THSD4: variants seen among roughly 807,000 people sequenced by gnomAD.
The protein encoded by THSD4 is thrombospondin type 1 domain containing 4, also known as thrombospondin type-1 domain-containing protein 4.
A neutral mutation model predicts 119.0 loss-of-function variants in THSD4; 69 were observed. The observed-to-expected ratio is 0.58, with a 90% confidence interval of 0.48 to 0.71. The LOEUF (loss-of-function observed/expected upper bound fraction) is 0.71, where lower values mean the gene tolerates loss of function less well. THSD4 is among the 30% of genes least tolerant of loss of function. The pLI, the probability that THSD4 is intolerant of heterozygous loss-of-function variation, is 0.00. For synonymous variants in THSD4, 524 were observed against 540.4 expected, an observed-to-expected ratio of 0.97 and a Z score of 0.42; for missense variants, 1,393 against 1,391.1, an observed-to-expected ratio of 1.00 and a Z score of -0.02.
intron 3 of THSD4, among the ~76,000 whole-genome samples, chr15:71,170,893 G>A (rs562993560): frequency 6.6e-6 from 1 of 152,170 alleles, no homozygotes; most frequent in South Asian, 2.1e-4. Context: ...CAAGATCTGA[G>A]ATGAAAAATA....
chr15:71,327,771 T>A (rs1410157479), intron 6 of THSD4, among the ~76,000 whole-genome samples: 1 of 152,170 alleles, frequency 6.6e-6, no homozygotes, highest in Non-Finnish European at 1.5e-5. Context: ...TTCACCCTAC[T>A]CCCCATATCA....
intron 8 of THSD4, among the ~76,000 whole-genome samples, chr15:71,691,604 A>T (rs2052050770): frequency 6.6e-6 from 1 of 152,246 alleles, no homozygotes; most frequent in African/African-American, 2.4e-5. Flanking sequence ...TCATTACAGG[A>T]TTAAACTACA....
chr15:71,583,072 G>A (rs930762131), intron 7 of THSD4, among the ~76,000 whole-genome samples: 3 of 152,108 alleles, frequency 2.0e-5, no homozygotes, highest in African/African-American at 7.2e-5. Context: ...TCTCATTGTT[G>A]AGAGGAATTA....
At chr15:71,749,403 G>T (rs2053402170) in intron 14 of THSD4, among the ~76,000 whole-genome samples, 1 of 152,240 alleles carries the variant, frequency 6.6e-6, no homozygotes, top group African/African-American at 2.4e-5. Context: ...CAGTCAGAGG[G>T]TTTGCCCAGG....
At chr15:71,281,991 G>A (rs1464484581) in intron 6 of THSD4, among the ~76,000 whole-genome samples, 1 of 152,156 alleles carries the variant, frequency 6.6e-6, no homozygotes, top group Non-Finnish European at 1.5e-5. Context: ...TCCCCATTAG[G>A]GAAAGGAGGA....
chr15:71,310,035 G>A (rs2045089190), intron 6 of THSD4, among the ~76,000 whole-genome samples: 1 of 152,168 alleles, frequency 6.6e-6, no homozygotes, highest in African/African-American at 2.4e-5. Context: ...GTTGGGGAAG[G>A]ATGTCAGCTG....
intron 7 of THSD4, among the ~76,000 whole-genome samples, chr15:71,516,565 G>A (rs1312288963): frequency 6.6e-6 from 1 of 152,150 alleles, no homozygotes; most frequent in African/African-American, 2.4e-5. Flanking sequence ...GTCTAGTCTA[G>A]TATTTCCCAG....
chr15:71,119,560 G>T (rs2040391648), intron 1 of THSD4, among the ~76,000 whole-genome samples: 1 of 152,152 alleles, frequency 6.6e-6, no homozygotes, highest in African/African-American at 2.4e-5. Context: ...TTTGGCCCGA[G>T]GGGTCTTTAG....
At chr15:71,152,934 T>C (rs1314022284) in intron 2 of THSD4, among the ~76,000 whole-genome samples, 4 of 152,168 alleles carry the variant, frequency 2.6e-5, no homozygotes, top group South Asian at 4.1e-4. Flanking sequence ...GTGAAAATCT[T>C]TGGTGGAGTC....
At chr15:71,168,793 A>T (rs1002366504) in intron 3 of THSD4, among the ~76,000 whole-genome samples, 1 of 152,192 alleles carries the variant, frequency 6.6e-6, no homozygotes, top group Non-Finnish European at 1.5e-5. Flanking sequence ...GGGGAAAAAA[A>T]TTTTAGGCTA....
chr15:71,140,277 C>G (rs1324728439), intron 1 of THSD4, among the ~76,000 whole-genome samples: 5 of 152,190 alleles, frequency 3.3e-5, no homozygotes, highest in African/African-American at 4.8e-5. Context: ...CTGGTGAGGA[C>G]CTCAGGAAGC....
chr15:71,244,536 G>A (rs78765701), intron 5 of THSD4, among the ~76,000 whole-genome samples: 2,872 of 152,230 alleles, frequency 0.019, 106 homozygotes, highest in African/African-American at 0.066. Context: ...TCAGACTTCA[G>A]GAATCATTAA....
At chr15:71,737,405 T>A (rs1181979115) in intron 10 of THSD4, among the ~76,000 whole-genome samples, 1 of 152,236 alleles carries the variant, frequency 6.6e-6, no homozygotes, top group Non-Finnish European at 1.5e-5. Flanking sequence ...TGGTGTTCTT[T>A]TCATGTGTAT....
rs187197487 is a variant in THSD4 at position 71,635,201 on chromosome 15, A to T, written c.1153-25329A>T. 7.2e-5 allele frequency among the ~76,000 whole-genome samples: 11 copies of T among 152,344 alleles called. No homozygotes were observed. In the East Asian group the frequency reaches 1.9e-3, roughly 27 times the overall value. On this transcript the variant is annotated intron_variant, in intron 7 of 17. Transcript: ENST00000261862. Reference sequence around the variant, plus strand: ...GTAGGACTTCATTTTTCTGGGAGATAATGTGAACATCGGAGAAAAGCCAAG... The same window carrying T: ...GTAGGACTTCATTTTTCTGGGAGATTATGTGAACATCGGAGAAAAGCCAAG...
intron 7 of THSD4, among the ~76,000 whole-genome samples, chr15:71,511,150 T>C (rs542752879): frequency 1.4e-5 from 2 of 147,260 alleles, no homozygotes; most frequent in South Asian, 2.1e-4. Flanking sequence ...CACCAAATAA[T>C]GGGAAACAGA....
rs1195413080 is a variant in THSD4 at position 71,442,579 on chromosome 15, A to AAATAT, written c.1152+30757_1152+30758insATATA. ...GCAAAACTCCATCTCAAAAAAAAAAAATATATATATATATATATATATGTG... is the reference window on the plus strand; with the variant it reads ...GCAAAACTCCATCTCAAAAAAAAAAAAATATATATATATATATATATATATATGTG... On this transcript the variant is annotated intron_variant, in intron 7 of 17. Coordinates refer to ENST00000261862, the MANE Select transcript of THSD4 (RefSeq NM_024817.3). Among the ~76,000 whole-genome samples the AAATAT allele has an allele frequency of 7.3e-3, 291 of 39,858 alleles. 40 individuals carry two copies. The highest frequency in any genetic ancestry group is 0.056 in the Middle Eastern group (4 of 72). The allele number at this position is 39,858 out of a possible 152,430, so 26.1% of individuals were successfully genotyped here.
chr15:71,161,126 A>G (rs1450389634), intron 3 of THSD4, among the ~76,000 whole-genome samples: 1 of 152,076 alleles, frequency 6.6e-6, no homozygotes, highest in African/African-American at 2.4e-5. Flanking sequence ...TACATGTTAC[A>G]TTATCTTTTT....
At chr15:71,540,185 T>G (rs925450505) in intron 7 of THSD4, among the ~76,000 whole-genome samples, 1 of 149,086 alleles carries the variant, frequency 6.7e-6, no homozygotes, top group Non-Finnish European at 1.5e-5. Context: ...TCGCCCAGGT[T>G]GGAGTGCAGT....
rs890330410 is a variant in THSD4, at chr15:71,779,982, A to G, written c.*2608A>G. ...GAGATCCAATTTTTACTAATTCCCT[A>G]GTTTTTTATTTCAGCATCTGAATGT... On this transcript the variant is annotated 3_prime_UTR_variant, in exon 18 of 18. Coordinates refer to ENST00000261862, the MANE Select transcript of THSD4 (RefSeq NM_024817.3). The G allele has an allele frequency of 2.0e-5, 3 of 151,980 alleles. No homozygotes were observed. The highest frequency in any genetic ancestry group is 7.3e-5 in the African/African-American group (3 of 41,364). The allele number at this position is 151,980 out of a possible 1,614,324, so 9.4% of individuals were successfully genotyped here.
Sources: gnomAD v4.1 joint callset for allele counts (sites outside exome capture counted in the v4.1 genomes callset) on GRCh38, gnomAD v4.1.1 for gene constraint, MANE v1.5 for transcripts, NCBI Gene and HGNC (gene_info 2026-07-23, HGNC 2026-07-21) for gene names.